The following GRIA4 variants were observed in gnomAD, a reference collection of about 807,000 sequenced individuals.
GRIA4 encodes glutamate receptor 4.
GRIA4 carries 34 observed loss-of-function variants against 104.0 expected under a neutral mutation model. That is an observed-to-expected ratio of 0.33 (90% confidence interval 0.25 to 0.44). GRIA4 has a LOEUF of 0.44. Ranked by LOEUF, GRIA4 falls within the 20% of genes least tolerant of loss-of-function variation. The pLI, the probability that GRIA4 is intolerant of heterozygous loss-of-function variation, is 1.00. For synonymous variants in GRIA4, 386 were observed against 381.9 expected, an observed-to-expected ratio of 1.01 and a Z score of -0.13; for missense variants, 750 against 1,096.5, an observed-to-expected ratio of 0.68 and a Z score of 4.46.
intron 4 of GRIA4, among the ~76,000 whole-genome samples, chr11:105,798,139 C>A (rs1037378798): frequency 4.0e-5 from 6 of 151,818 alleles, no homozygotes; most frequent in Non-Finnish European, 7.4e-5. Flanking sequence ...CTTCCTATAG[C>A]CATGAAGCTT....
chr11:105,733,007 A>G (rs201976904), intron 3 of GRIA4, among the ~76,000 whole-genome samples: 1 of 152,218 alleles, frequency 6.6e-6, no homozygotes. Context: ...CCACACTTAA[A>G]CAGCCTCTTT....
intron 14 of GRIA4, among the ~76,000 whole-genome samples, chr11:105,940,522 T>C (rs1028425938): frequency 1.3e-5 from 2 of 152,184 alleles, no homozygotes; most frequent in Non-Finnish European, 2.9e-5. Flanking sequence ...AGGTTTACCA[T>C]AAAAATCCAA....
intron 4 of GRIA4, among the ~76,000 whole-genome samples, chr11:105,841,819 G>A (rs191228325): frequency 6.6e-4 from 101 of 152,058 alleles, no homozygotes; most frequent in Non-Finnish European, 1.3e-3. Flanking sequence ...ATTTAAACAG[G>A]TTGTCTTATT....
At chr11:105,967,703 C>CAAA (rs5794444) in intron 14 of GRIA4, among the ~76,000 whole-genome samples, 14 of 146,178 alleles carry the variant, frequency 9.6e-5, no homozygotes, top group Admixed American at 2.0e-4. Context: ...GTTTGTATAC[C>CAAA]AAAAAAAAAA....
chr11:105,911,095 T>C (rs1947220251), intron 10 of GRIA4, among the ~76,000 whole-genome samples: 1 of 152,138 alleles, frequency 6.6e-6, no homozygotes, highest in African/African-American at 2.4e-5. Context: ...AATTTTGTTT[T>C]ATTTTTATTT....
intron 3 of GRIA4, among the ~76,000 whole-genome samples, chr11:105,723,562 G>A (rs1266377772): frequency 6.6e-6 from 1 of 151,946 alleles, no homozygotes. Context: ...ACATAATATA[G>A]GATTCTTACT....
chr11:105,953,588 C>A (rs1047171158), intron 14 of GRIA4, among the ~76,000 whole-genome samples: 1 of 151,636 alleles, frequency 6.6e-6, no homozygotes, highest in Non-Finnish European at 1.5e-5. Flanking sequence ...TTCTTATTAG[C>A]ATGGTTCTGG....
intron 4 of GRIA4, among the ~76,000 whole-genome samples, chr11:105,833,681 A>C (rs2135939438): frequency 6.6e-6 from 1 of 152,126 alleles, no homozygotes; most frequent in South Asian, 2.1e-4. Flanking sequence ...AAATAATACT[A>C]AGAGGCCAGA....
chr11:105,919,266 C>G (rs1157910725), intron 11 of GRIA4, among the ~76,000 whole-genome samples: 1 of 152,004 alleles, frequency 6.6e-6, no homozygotes, highest in Non-Finnish European at 1.5e-5. Context: ...TATTTGATAA[C>G]TGTAGGAACA....
In GRIA4 at chr11:105,793,217, C is replaced by T. The variant is rs181278588; in HGVS notation, c.487+39997C>T. Reference sequence around the variant, plus strand: ...CTGGGGGCCCTAGATTAGACAAGGCCGATGGAGTGAGGTCCAGAAAGTCTC... The same window carrying T: ...CTGGGGGCCCTAGATTAGACAAGGCTGATGGAGTGAGGTCCAGAAAGTCTC... On this transcript the variant is annotated intron_variant, in intron 4 of 16. Coordinates refer to ENST00000282499, the MANE Select transcript of GRIA4 (RefSeq NM_000829.4). Among the ~76,000 whole-genome samples, 452 of 152,176 alleles carry T rather than the reference C, an allele frequency of 3.0e-3. 4 individuals are homozygous for T. Among genetic ancestry groups the T allele is most frequent in the Non-Finnish European group, 5.1e-3 (345 of 67,994 alleles).
chr11:105,958,583 T>G (rs1018873845), intron 14 of GRIA4, among the ~76,000 whole-genome samples: 1 of 152,150 alleles, frequency 6.6e-6, no homozygotes, highest in African/African-American at 2.4e-5. Context: ...TCTTTTTTTT[T>G]GTTGTGTCTC....
chr11:105,752,474 C>T (rs897224672), intron 3 of GRIA4, among the ~76,000 whole-genome samples: 3 of 151,834 alleles, frequency 2.0e-5, no homozygotes, highest in Admixed American at 6.6e-5. Flanking sequence ...ACAATTTAGG[C>T]GGAGTGAAAA....
At chr11:105,845,357 G>T (rs772984848) in intron 4 of GRIA4, among the ~76,000 whole-genome samples, 3 of 152,050 alleles carry the variant, frequency 2.0e-5, no homozygotes, top group African/African-American at 4.8e-5. Flanking sequence ...TCTATTGGCC[G>T]TTATGATCTA....
intron 4 of GRIA4, among the ~76,000 whole-genome samples, chr11:105,836,741 A>G (rs1011087488): frequency 2.0e-5 from 3 of 152,164 alleles, no homozygotes; most frequent in Admixed American, 6.6e-5. Context: ...ACACTAGGTG[A>G]TTCTGATGTG....
intron 3 of GRIA4, among the ~76,000 whole-genome samples, chr11:105,697,415 A>G (rs17104440): frequency 0.046 from 6,958 of 152,296 alleles, 210 homozygotes; most frequent in Non-Finnish European, 0.059. Flanking sequence ...AAGCTAAAAT[A>G]GGCCTGAAAA....
At chr11:105,726,529 C>T (rs1251532271) in intron 3 of GRIA4, among the ~76,000 whole-genome samples, 1 of 152,206 alleles carries the variant, frequency 6.6e-6, no homozygotes, top group Non-Finnish European at 1.5e-5. Context: ...CCCAGCACAG[C>T]ACTAGAGCTC....
chr11:105,769,326 G>T (rs1941101895), intron 4 of GRIA4, among the ~76,000 whole-genome samples: 1 of 152,052 alleles, frequency 6.6e-6, no homozygotes. Flanking sequence ...GAGAGTAAGG[G>T]GAGGCTTCAG....
chr11:105,708,936 G>C (rs1163655957), intron 3 of GRIA4, among the ~76,000 whole-genome samples: 1 of 151,962 alleles, frequency 6.6e-6, no homozygotes, highest in South Asian at 2.1e-4. Context: ...GTAGATGTGT[G>C]TGTAAGTATC....
At chr11:105,793,185 C>T (rs1466866598) in intron 4 of GRIA4, among the ~76,000 whole-genome samples, 1 of 152,096 alleles carries the variant, frequency 6.6e-6, no homozygotes, top group African/African-American at 2.4e-5. Context: ...GATGGAGCTA[C>T]CACTCTCTGG....
Sources: allele counts gnomAD v4.1 joint callset (sites outside exome capture counted in the v4.1 genomes callset), GRCh38; gene constraint gnomAD v4.1.1; transcripts MANE v1.5; gene names NCBI Gene and HGNC (gene_info 2026-07-23, HGNC 2026-07-21).